RMP64: variants seen among roughly 807,000 people sequenced by gnomAD.
RMP64 encodes ribonuclease MRP subunit p64, also known as nucleolus and neural progenitor protein.
chr3:113,012,671 A>G, the RMP64 span: 7 of 930,356 alleles, frequency 7.5e-6, no homozygotes, highest in African/African-American at 1.2e-4. Context: ...AAAACTACTA[A>G]TAAGAAACCT....
the RMP64 span, among the ~76,000 whole-genome samples, chr3:113,015,541 T>C: frequency 6.6e-6 from 1 of 151,772 alleles, no homozygotes; most frequent in South Asian, 2.1e-4. Flanking sequence ...TAATACCACT[T>C]TATCTGCCAG....
At chr3:113,004,084 G>C in the RMP64 span, 1 of 152,152 alleles carries the variant, frequency 6.6e-6, no homozygotes, top group Admixed American at 6.5e-5. Context: ...GACTTGTCTA[G>C]AATGAAATCT....
chr3:113,008,302 T>A, the RMP64 span: 2 of 1,614,208 alleles, frequency 1.2e-6, no homozygotes, highest in Non-Finnish European at 1.7e-6. Flanking sequence ...CAGAAAGTTG[T>A]GTGAAGGACT....
chr3:113,010,681 T>A, the RMP64 span: 1 of 1,613,460 alleles, frequency 6.2e-7, no homozygotes. Context: ...CAGAAAGCCC[T>A]CACATCAAAT....
chr3:113,005,577 T>A, the RMP64 span: 1 of 1,613,690 alleles, frequency 6.2e-7, no homozygotes, highest in Non-Finnish European at 8.5e-7. Context: ...ATGTCATCTG[T>A]CTCCTTAATG....
At chr3:113,017,690 T>C in the RMP64 span, 2 of 1,239,030 alleles carry the variant, frequency 1.6e-6, no homozygotes, top group African/African-American at 1.5e-5. Context: ...GCATCTTTCC[T>C]TATTTGTTTT....
At chr3:113,006,361 A>G in the RMP64 span, among the ~76,000 whole-genome samples, 1 of 152,214 alleles carries the variant, frequency 6.6e-6, no homozygotes, top group African/African-American at 2.4e-5. Flanking sequence ...AACATCACAA[A>G]TGAAAAAATC....
chr3:113,012,455 A>G, the RMP64 span: 1 of 285,680 alleles, frequency 3.5e-6, no homozygotes, highest in Non-Finnish European at 6.5e-6. Context: ...ACAACCTACC[A>G]TGACCCAGAT....
chr3:113,011,621 C>T, the RMP64 span: 2 of 394,226 alleles, frequency 5.1e-6, no homozygotes, highest in Admixed American at 8.0e-5. Flanking sequence ...GTAAGACAGT[C>T]TACCAGGAAA....
At chr3:113,012,424 A>G in the RMP64 span, 5 of 228,752 alleles carry the variant, frequency 2.2e-5, no homozygotes, top group Admixed American at 5.7e-5. Context: ...ATGTTCAGTA[A>G]AAGCCCACTG....
At chr3:113,018,867 C>T in the RMP64 span, among the ~76,000 whole-genome samples, 1 of 152,180 alleles carries the variant, frequency 6.6e-6, no homozygotes, top group Admixed American at 6.5e-5. Flanking sequence ...ATGACTCCTT[C>T]AAGCTCCAGC....
the RMP64 span, chr3:113,004,158 G>C: frequency 1.1e-3 from 165 of 152,292 alleles, 2 homozygotes; most frequent in African/African-American, 3.9e-3. Context: ...AAGCCAAAAG[G>C]AATATGAAAA....
chr3:113,007,673 T>TA, the RMP64 span, among the ~76,000 whole-genome samples: 2 of 151,850 alleles, frequency 1.3e-5, no homozygotes, highest in African/African-American at 2.4e-5. Flanking sequence ...GAAATATAGA[T>TA]AGAGTCCAGC....
the RMP64 span, among the ~76,000 whole-genome samples, chr3:113,010,143 A>C: frequency 6.6e-6 from 1 of 152,212 alleles, no homozygotes; most frequent in African/African-American, 2.4e-5. Context: ...GATGACCAAA[A>C]TGACCGTAGC....
At chr3:113,019,411 C>G in the RMP64 span, 15 of 697,268 alleles carry the variant, frequency 2.2e-5, no homozygotes, top group South Asian at 2.4e-4. Context: ...TCGACCCCTA[C>G]GTGCCCCGCG....
chr3:113,016,544 C>A, the RMP64 span, among the ~76,000 whole-genome samples: 1 of 152,090 alleles, frequency 6.6e-6, no homozygotes, highest in Non-Finnish European at 1.5e-5. Context: ...AGCAAGCTTG[C>A]TTTTGGATCA....
At chr3:113,014,180 A>C in the RMP64 span, 1 of 580,506 alleles carries the variant, frequency 1.7e-6, no homozygotes, top group South Asian at 2.2e-5. Context: ...CAGGGTAGAG[A>C]AATCCAAAGC....
chr3:113,011,918 T>C, the RMP64 span, among the ~76,000 whole-genome samples: 6,095 of 152,220 alleles, frequency 0.04, 176 homozygotes, highest in Non-Finnish European at 0.052. Flanking sequence ...CAATAGGAAA[T>C]ACTATTTGAG....
At chr3:113,008,183 G>A in the RMP64 span, 2 of 1,613,984 alleles carry the variant, frequency 1.2e-6, no homozygotes, top group Non-Finnish European at 8.5e-7. Flanking sequence ...AGTACCTTGA[G>A]CTTCCAGATG....
Sources: allele counts gnomAD v4.1 joint callset (sites outside exome capture counted in the v4.1 genomes callset), GRCh38; gene constraint gnomAD v4.1.1; transcripts MANE v1.5; gene names NCBI Gene and HGNC (gene_info 2026-07-23, HGNC 2026-07-21).